Variants in PCDH11X observed in about 807,000 individuals in gnomAD.
The protein encoded by PCDH11X is protocadherin-11 X-linked.
PCDH11X carries 18 observed loss-of-function variants against 53.3 expected under a neutral mutation model. The observed-to-expected ratio is 0.34, with a 90% confidence interval of 0.23 to 0.50. PCDH11X has a LOEUF of 0.50. PCDH11X is among the 20% of genes least tolerant of loss of function. The probability of loss-of-function intolerance (pLI) is 0.98; values close to 1 mark genes in which losing one functional copy is unlikely to be tolerated. For missense variants in PCDH11X, 570 were observed against 1,032.4 expected, an observed-to-expected ratio of 0.55 and a Z score of 6.14; for synonymous variants, 279 against 393.3, an observed-to-expected ratio of 0.71 and a Z score of 3.44.
chrX:91,824,024 G>C (rs1375522026), intron 4 of PCDH11X, among the ~76,000 whole-genome samples: 4 of 111,142 alleles, frequency 3.6e-5, no homozygotes, highest in Non-Finnish European at 5.7e-5. Context: ...CTGGCTTGTA[G>C]GGTTTCTGCC....
chrX:92,160,090 A>C (rs1289966436), intron 6 of PCDH11X, among the ~76,000 whole-genome samples: 1 of 109,021 alleles, frequency 9.2e-6, no homozygotes, highest in Non-Finnish European at 1.9e-5. Context: ...GGTTTTGTTT[A>C]TTTTTTTGTT....
chrX:92,452,500 T>TATATATATATA (rs1491346022), intron 9 of PCDH11X, among the ~76,000 whole-genome samples: 2 of 28,367 alleles, frequency 7.1e-5, no homozygotes, highest in African/African-American at 5.4e-4. Context: ...TATATATATG[T>TATATATATATA]TTTTTTTTTT....
chrX:92,597,825 A>G (rs1194047996), intron 10 of PCDH11X, among the ~76,000 whole-genome samples: 3 of 111,779 alleles, frequency 2.7e-5, no homozygotes, highest in Non-Finnish European at 5.6e-5. Context: ...ACATAAAAAC[A>G]GACACATAGA....
chrX:91,960,808 G>A (rs1166902508), intron 6 of PCDH11X, among the ~76,000 whole-genome samples: 1 of 111,016 alleles, frequency 9.0e-6, no homozygotes, highest in Non-Finnish European at 1.9e-5. Flanking sequence ...TGAGGGTCTT[G>A]CTATCCAGTT....
intron 5 of PCDH11X, among the ~76,000 whole-genome samples, chrX:91,842,178 A>T (rs1937532833): frequency 9.1e-6 from 1 of 109,755 alleles, no homozygotes; most frequent in Admixed American, 1.0e-4. Context: ...AAAACTAATC[A>T]AGAATGAATA....
At chrX:92,242,992 A>T (rs62600697) in intron 7 of PCDH11X, among the ~76,000 whole-genome samples, 14,735 of 110,147 alleles carry the variant, frequency 0.13, 1,616 homozygotes, top group African/African-American at 0.36. Context: ...TTTAAAGTTC[A>T]TTAGTAGTGT....
At chrX:92,485,995 G>A (rs2073633551) in intron 10 of PCDH11X, among the ~76,000 whole-genome samples, 2 of 110,717 alleles carry the variant, frequency 1.8e-5, no homozygotes, top group African/African-American at 6.6e-5. Context: ...ACAGAACAGA[G>A]TATAGAGATT....
intron 6 of PCDH11X, among the ~76,000 whole-genome samples, chrX:92,022,650 G>A (rs1234658543): frequency 9.3e-6 from 1 of 108,103 alleles, no homozygotes; most frequent in Non-Finnish European, 1.9e-5. Flanking sequence ...GGATATTCAG[G>A]ACTTGAACTC....
intron 6 of PCDH11X, among the ~76,000 whole-genome samples, chrX:92,035,450 A>G (rs1199377134): frequency 9.4e-6 from 1 of 105,963 alleles, no homozygotes; most frequent in Non-Finnish European, 1.9e-5. Flanking sequence ...CAGCACTTTA[A>G]ATATGTCCTG....
intron 6 of PCDH11X, among the ~76,000 whole-genome samples, chrX:92,193,757 T>TA (rs926005222): frequency 9.0e-6 from 1 of 111,451 alleles, no homozygotes; most frequent in Non-Finnish European, 1.9e-5. Flanking sequence ...TCACACCTCT[T>TA]AAAAAATTTT....
At chrX:92,543,427 A>G (rs2074789985) in intron 10 of PCDH11X, among the ~76,000 whole-genome samples, 1 of 109,414 alleles carries the variant, frequency 9.1e-6, no homozygotes, top group African/African-American at 3.3e-5. Flanking sequence ...CTTGTTAAGA[A>G]TACACATGAA....
intron 9 of PCDH11X, chrX:92,459,900 G>A (rs1243268401): frequency 1.5e-5 from 18 of 1,169,029 alleles, no homozygotes; most frequent in Non-Finnish European, 2.1e-5. Context: ...GAGGCATCCA[G>A]AACAAGAAGA....
At chrX:91,847,179 G>A (rs1163701037) in intron 5 of PCDH11X, among the ~76,000 whole-genome samples, 1 of 110,247 alleles carries the variant, frequency 9.1e-6, no homozygotes, top group Non-Finnish European at 1.9e-5. Flanking sequence ...TATAGAGACA[G>A]GGTCTCACAG....
chrX:92,574,282 T>C (rs2148777084), intron 10 of PCDH11X, among the ~76,000 whole-genome samples: 1 of 89,218 alleles, frequency 1.1e-5, no homozygotes, highest in African/African-American at 4.2e-5. Flanking sequence ...TGAATGGTCA[T>C]CTGACTAATT....
intron 6 of PCDH11X, among the ~76,000 whole-genome samples, chrX:92,196,771 G>A (rs2066299105): frequency 1.8e-5 from 2 of 110,880 alleles, no homozygotes; most frequent in South Asian, 7.7e-4. Context: ...AGGGCTGCTC[G>A]GGGCCTTTCT....
At chrX:91,847,103 G>T (rs149262758) in intron 5 of PCDH11X, among the ~76,000 whole-genome samples, 13 of 110,506 alleles carry the variant, frequency 1.2e-4, no homozygotes, top group African/African-American at 4.3e-4. Context: ...AGTGTACAAA[G>T]ATTCATTTTG....
At chrX:91,909,359 C>T in intron 6 of PCDH11X, among the ~76,000 whole-genome samples, 1 of 108,340 alleles carries the variant, frequency 9.2e-6, no homozygotes, top group South Asian at 4.1e-4. Context: ...GATCCTCTGT[C>T]TCTGTCACAT....
chrX:91,865,570 G>A, intron 5 of PCDH11X, among the ~76,000 whole-genome samples: 1 of 111,861 alleles, frequency 8.9e-6, no homozygotes, highest in East Asian at 2.8e-4. Context: ...CCAGGTCTAT[G>A]TCTTTCATTT....
At chrX:92,177,829 A>G (rs187662534) in intron 6 of PCDH11X, among the ~76,000 whole-genome samples, 242 of 111,049 alleles carry the variant, frequency 2.2e-3, no homozygotes, top group African/African-American at 7.8e-3. Flanking sequence ...ACAATTATAC[A>G]TACAATTTGG....
Sources: gnomAD v4.1 joint callset for allele counts (sites outside exome capture counted in the v4.1 genomes callset) on GRCh38, gnomAD v4.1.1 for gene constraint, MANE v1.5 for transcripts, NCBI Gene and HGNC (gene_info 2026-07-23, HGNC 2026-07-21) for gene names.